IL21R: variants seen among roughly 807,000 people sequenced by gnomAD.
IL21R encodes interleukin-21 receptor.
A neutral mutation model predicts 41.3 loss-of-function variants in IL21R; 14 were observed. The observed-to-expected ratio is 0.34, with a 90% CI of 0.22 to 0.53. The LOEUF (loss-of-function observed/expected upper bound fraction) is 0.53, where lower values mean the gene tolerates loss of function less well. IL21R is among the 20% of genes least tolerant of loss of function. The pLI is 0.94. For missense variants in IL21R, 588 were observed against 681.6 expected, an observed-to-expected ratio of 0.86 and a Z score of 1.53; for synonymous variants, 286 against 287.6, an observed-to-expected ratio of 0.99 and a Z score of 0.05.
At chr16:27,442,160 A>C (rs2087398723) in intron 4 of IL21R, among the ~76,000 whole-genome samples, 1 of 152,050 alleles carries the variant, frequency 6.6e-6, no homozygotes, top group African/African-American at 2.4e-5. Context: ...GTGTGTGTGC[A>C]TGCTGTGCGT....
Position 27,451,963 on chromosome 16 carries a change from G to C in IL21R, c.*2680G>C, listed in dbSNP as rs1309728569. 4.4e-6 allele frequency: 1 copy of C among 229,390 alleles called. No individual in the cohort carries two copies. Among genetic ancestry groups the C allele is most frequent in the Non-Finnish European group, 8.6e-6 (1 of 115,742 alleles). 14.2% of individuals were successfully genotyped at this position (229,390 alleles called of 1,614,324 possible). A position where few individuals can be genotyped will look rare whatever the true frequency, so the allele number is the denominator to read the frequency against. ...AAAGATAAAACACAAGTTATACCAG[G>C]CCAGCAACTCTATTTTGTTCACTGC... is the stretch of plus-strand genomic sequence containing the variant. On this transcript the variant is annotated 3_prime_UTR_variant, in exon 9 of 9. Coordinates refer to ENST00000337929, the MANE Select transcript of IL21R (RefSeq NM_181078.3).
chr16:27,403,826 C>A (rs115170711), intron 1 of IL21R, among the ~76,000 whole-genome samples: 1 of 152,140 alleles, frequency 6.6e-6, no homozygotes, highest in African/African-American at 2.4e-5. Context: ...TGGCTCTGGC[C>A]CCCCCAGTGC....
chr16:27,436,786 T>C (rs376121600), intron 3 of IL21R, among the ~76,000 whole-genome samples: 1 of 151,990 alleles, frequency 6.6e-6, no homozygotes. Flanking sequence ...TTCAGTGGAT[T>C]TGGGGACTGG....
chr16:27,437,592 T>A lies in IL21R; in HGVS notation c.257T>A (p.Phe86Tyr), dbSNP rs988781363. The A allele has an allele frequency of 5.3e-5, 85 of 1,614,106 alleles. No individual in the cohort carries two copies. The highest frequency in any genetic ancestry group is 6.4e-5 in the Non-Finnish European group (75 of 1,180,034). Residue 86 changes from phenylalanine to tyrosine, a missense_variant, in exon 4 of 9, where the codon TTC becomes TAC. By Grantham distance (22) the Phe-to-Tyr change is conservative. Coordinates refer to ENST00000337929, the MANE Select transcript of IL21R (RefSeq NM_181078.3). ...HATYTCHMDV[F>Y]HFMADDIFSV... Reference sequence around the variant, plus strand: ...ACCTACACCTGCCACATGGATGTATTCCACTTCATGGCCGACGACATTTTC... The same window carrying A: ...ACCTACACCTGCCACATGGATGTATACCACTTCATGGCCGACGACATTTTC...
chr16:27,433,771 G>A (rs937039225), intron 2 of IL21R, among the ~76,000 whole-genome samples: 11 of 152,276 alleles, frequency 7.2e-5, no homozygotes, highest in Middle Eastern at 3.4e-3. Flanking sequence ...AAGTGTCCGA[G>A]GGCTTTTTAA....
At chr16:27,431,257 C>T (rs2141285543) in intron 2 of IL21R, among the ~76,000 whole-genome samples, 1 of 152,336 alleles carries the variant, frequency 6.6e-6, no homozygotes, top group East Asian at 1.9e-4. Flanking sequence ...GGCAAGCATC[C>T]TCATCTTGGT....
rs1410809424 is a variant in IL21R at position 27,448,789 on chromosome 16, T to A, written c.1123T>A (p.Ser375Thr). Residue 375 changes from serine to threonine, a missense_variant, in exon 9 of 9, where the codon TCC (serine) becomes ACC (threonine). Coordinates refer to ENST00000337929, the MANE Select transcript of IL21R (RefSeq NM_181078.3). ...EERDRPYGLVSIDTVTVLDAE... is the reference protein window; with the variant it reads ...EERDRPYGLVTIDTVTVLDAE... Reference sequence around the variant, plus strand: ...GAGGGATCGGCCATACGGCCTGGTGTCCATTGACACAGTGACTGTGCTAGA... The same window carrying A: ...GAGGGATCGGCCATACGGCCTGGTGACCATTGACACAGTGACTGTGCTAGA... The A allele has an allele frequency of 6.2e-7, 1 of 1,613,416 alleles. No individual in the cohort carries two copies. Among genetic ancestry groups the A allele is most frequent in the East Asian group, 2.2e-5 (1 of 44,890 alleles).
intron 1 of IL21R, among the ~76,000 whole-genome samples, chr16:27,429,731 G>A (rs1027763084): frequency 1.2e-4 from 18 of 152,170 alleles, no homozygotes; most frequent in African/African-American, 4.3e-4. Flanking sequence ...CCGTGATTGC[G>A]CCATTGCACT....
chr16:27,414,563 GA>G (rs2086869706), intron 1 of IL21R, among the ~76,000 whole-genome samples: 1 of 145,680 alleles, frequency 6.9e-6, no homozygotes, highest in Admixed American at 6.7e-5. Flanking sequence ...AGACATCAAT[GA>G]AAGCACTGAT....
At chr16:27,438,476 A>G (rs1396001474) in intron 4 of IL21R, among the ~76,000 whole-genome samples, 1 of 152,110 alleles carries the variant, frequency 6.6e-6, no homozygotes, top group African/African-American at 2.4e-5. Flanking sequence ...TGTAATTCCA[A>G]CACTTTGGAA....
At chr16:27,430,406 C>T (rs2141284291) in intron 2 of IL21R, among the ~76,000 whole-genome samples, 1 of 152,318 alleles carries the variant, frequency 6.6e-6, no homozygotes, top group South Asian at 2.1e-4. Flanking sequence ...AAGGCTTCGT[C>T]CTTCATTTCC....
chr16:27,439,311 C>T lies in IL21R; in HGVS notation c.352+1624C>T, dbSNP rs549620310. Among the ~76,000 whole-genome samples, 25 of 152,072 alleles carry T rather than the reference C, an allele frequency of 1.6e-4. 1 individual carries two copies. The highest frequency in any genetic ancestry group is 1.5e-3 in the Admixed American group (23 of 15,256). On this transcript the variant is annotated intron_variant, in intron 4 of 8. Transcript: ENST00000337929. ...CATGGCATGGACACAGAGGCCCACA[C>T]TGCCTCTCTCTCTTGCTCTCTCTCA... is the stretch of plus-strand genomic sequence containing the variant.
intron 3 of IL21R, among the ~76,000 whole-genome samples, chr16:27,434,719 G>A (rs1286517839): frequency 6.6e-6 from 1 of 152,070 alleles, no homozygotes; most frequent in Non-Finnish European, 1.5e-5. Context: ...TTAGGTACCA[G>A]GCCCCCAACT....
At chr16:27,435,764 ACTTT>A (rs1021005705) in intron 3 of IL21R, among the ~76,000 whole-genome samples, 6 of 150,174 alleles carry the variant, frequency 4.0e-5, no homozygotes, top group Admixed American at 2.6e-4. Flanking sequence ...CAAACAGGAC[ACTTT>A]CTTTCTTTCT....
intron 1 of IL21R, among the ~76,000 whole-genome samples, chr16:27,410,756 A>T (rs2086811101): frequency 6.6e-6 from 1 of 152,220 alleles, no homozygotes; most frequent in Non-Finnish European, 1.5e-5. Flanking sequence ...TTGGTTTACA[A>T]GAGATCTCTA....
chr16:27,417,987 T>A (rs2086915552), intron 1 of IL21R, among the ~76,000 whole-genome samples: 1 of 151,592 alleles, frequency 6.6e-6, no homozygotes, highest in Admixed American at 6.6e-5. Flanking sequence ...TAACTTTGGC[T>A]TACTGTAACA....
chr16:27,421,365 G>C (rs554405004), intron 1 of IL21R, among the ~76,000 whole-genome samples: 1 of 139,538 alleles, frequency 7.2e-6, no homozygotes, highest in South Asian at 2.3e-4. Context: ...AAAAGAGCCA[G>C]CTGGGATTTT....
intron 1 of IL21R, among the ~76,000 whole-genome samples, chr16:27,414,174 G>GTGTGTGTGTA (rs1282507036): frequency 6.6e-6 from 1 of 151,460 alleles, no homozygotes; most frequent in East Asian, 1.9e-4. Flanking sequence ...TAGTGTGTGT[G>GTGTGTGTGTA]TGTGTGTGTG....
intron 1 of IL21R, among the ~76,000 whole-genome samples, chr16:27,410,875 A>G (rs2086812954): frequency 6.6e-6 from 1 of 152,210 alleles, no homozygotes; most frequent in Non-Finnish European, 1.5e-5. Context: ...TGTTTCTATG[A>G]GATTGATTAC....
Sources: gnomAD v4.1 joint callset for allele counts (sites outside exome capture counted in the v4.1 genomes callset) on GRCh38, gnomAD v4.1.1 for gene constraint, MANE v1.5 for transcripts, NCBI Gene and HGNC (gene_info 2026-07-23, HGNC 2026-07-21) for gene names.